RIPK1: variants seen among roughly 807,000 people sequenced by gnomAD.
RIPK1 encodes receptor-interacting serine/threonine-protein kinase 1.
RIPK1 carries 27 observed loss-of-function variants against 62.4 expected under a neutral mutation model. The observed-to-expected ratio is 0.43, with a 90% CI of 0.32 to 0.60. RIPK1 has a LOEUF of 0.60. Ranked by LOEUF, RIPK1 falls within the 20% of genes least tolerant of loss-of-function variation. RIPK1 has a pLI of 0.07. For missense variants in RIPK1, 735 were observed against 831.0 expected, an observed-to-expected ratio of 0.88 and a Z score of 1.42; for synonymous variants, 287 against 303.2, an observed-to-expected ratio of 0.95 and a Z score of 0.55.
upstream of RIPK1, among the ~76,000 whole-genome samples, chr6:3,067,051 A>ATTTTTTTTTTTTTTTTTTTTTTTTTTTT (rs36132424): frequency 1.7e-5 from 1 of 59,048 alleles, no homozygotes; most frequent in African/African-American, 6.9e-5. Context: ...TTGCTCCAGG[A>ATTTTTTTTTTTTTTTTTTTTTTTTTTTT]TTTTTTTTTT....
chr6:3,094,108 G>GCGCGCCTACCTCCTGCACCT (rs1466233160), intron 7 of RIPK1, among the ~76,000 whole-genome samples: 7 of 138,298 alleles, frequency 5.1e-5, no homozygotes, highest in Non-Finnish European at 8.9e-5. Flanking sequence ...AGTAACTGCA[G>GCGCGCCTACCTCCTGCACCT]AGTACCTACC....
rs1362594869 is a variant in RIPK1, at chr6:3,072,857, T to C, written c.-60-3907T>C. Among the ~76,000 whole-genome samples the C allele has an allele frequency of 7.2e-5, 11 of 151,974 alleles. No individual in the cohort carries two copies. Among genetic ancestry groups the C allele is most frequent in the Admixed American group, 7.2e-4 (11 of 15,262 alleles). Reference sequence around the variant, plus strand: ...CAGTTCTGCCTGCTCCAGTGATGTGTAGTGAATGAAAAAGGAGGCCTAAAA... The same window carrying C: ...CAGTTCTGCCTGCTCCAGTGATGTGCAGTGAATGAAAAAGGAGGCCTAAAA... On this transcript the variant is annotated intron_variant, in intron 1 of 10. Coordinates refer to ENST00000259808, the MANE Select transcript of RIPK1 (RefSeq NM_001354930.2). This position sits in a 1 kb window ranked among gnomAD's most constrained non-coding sequence, Gnocchi z 5.6.
chr6:3,098,932 C>T (rs1010199891), intron 7 of RIPK1, among the ~76,000 whole-genome samples: 2 of 152,194 alleles, frequency 1.3e-5, no homozygotes, highest in African/African-American at 2.4e-5. Flanking sequence ...TATCCCCTCG[C>T]CTTTCTCAGT....
At chr6:3,090,620 A>C (rs1481010804) in intron 7 of RIPK1, among the ~76,000 whole-genome samples, 1 of 152,162 alleles carries the variant, frequency 6.6e-6, no homozygotes, top group African/African-American at 2.4e-5. Context: ...CACAATTAAA[A>C]CTGAAGATTT....
At chr6:3,103,336 C>T (rs115757254) in intron 7 of RIPK1, among the ~76,000 whole-genome samples, 2,042 of 149,448 alleles carry the variant, frequency 0.014, 14 homozygotes, top group Middle Eastern at 0.024. Context: ...CTTGCTCTGT[C>T]GCCACCCAGA....
intron 6 of RIPK1, among the ~76,000 whole-genome samples, chr6:3,086,577 C>A (rs1180882458): frequency 6.6e-6 from 1 of 152,228 alleles, no homozygotes; most frequent in African/African-American, 2.4e-5. Flanking sequence ...ACTTACGTCT[C>A]CCCTTTTACT....
chr6:3,110,025 A>C (rs952277003), intron 9 of RIPK1, among the ~76,000 whole-genome samples: 1 of 152,168 alleles, frequency 6.6e-6, no homozygotes, highest in Non-Finnish European at 1.5e-5. Flanking sequence ...TTATCCACTC[A>C]TCTGCTCATG....
chr6:3,103,996 C>T (rs1760706730), intron 7 of RIPK1, among the ~76,000 whole-genome samples: 1 of 152,166 alleles, frequency 6.6e-6, no homozygotes, highest in South Asian at 2.1e-4. Context: ...GTTTTGAATA[C>T]TGTAGCTTTG....
Position 3,077,728 on chromosome 6 carries a change from CT to C in RIPK1, c.165-49del, listed in dbSNP as rs543776374. The C allele has an allele frequency of 5.4e-3, 8,591 of 1,602,792 alleles. 36 individuals are homozygous for C. Among genetic ancestry groups the C allele is most frequent in the Non-Finnish European group, 6.4e-3 (7,471 of 1,174,166 alleles). On this transcript the variant is annotated intron_variant, in intron 2 of 10. Coordinates refer to ENST00000259808, the MANE Select transcript of RIPK1 (RefSeq NM_001354930.2). ...ATGTGTTGGAGGTGTGCACCAGGCT[CT>C]TGAGGCGCTGGCTCTGCCAGCCTCA...
chr6:3,076,780 G>A lies in RIPK1; in HGVS notation c.-44G>A, dbSNP rs533195978. On this transcript the variant is annotated 5_prime_UTR_variant, in exon 2 of 11. Coordinates refer to ENST00000259808, the MANE Select transcript of RIPK1 (RefSeq NM_001354930.2). ...TCTTTACAGGGTACAGCTCTGCCGGGGGGGGAAAAAGTGGTACCATTTTGG... is the reference window on the plus strand; with the variant it reads ...TCTTTACAGGGTACAGCTCTGCCGGAGGGGGAAAAAGTGGTACCATTTTGG... The A allele has an allele frequency of 1.2e-5, 20 of 1,603,436 alleles. No individual in the cohort carries two copies. The highest frequency in any genetic ancestry group is 4.6e-5 in the East Asian group (2 of 43,906).
At chr6:3,096,364 T>C (rs1394216139) in intron 7 of RIPK1, among the ~76,000 whole-genome samples, 1 of 152,024 alleles carries the variant, frequency 6.6e-6, no homozygotes, top group Non-Finnish European at 1.5e-5. Context: ...AATCAATATA[T>C]AAAAATAAAT....
At chr6:3,073,940 G>A (rs185660104) in intron 1 of RIPK1, among the ~76,000 whole-genome samples, 22 of 152,206 alleles carry the variant, frequency 1.4e-4, no homozygotes, top group African/African-American at 3.9e-4. Flanking sequence ...CTCCTTTCCC[G>A]TCATCTGTCC....
rs186347521 is a variant in RIPK1 at position 3,102,577 on chromosome 6, C to G, written c.916-1648C>G. Reference sequence around the variant, plus strand: ...GTATATATATCCGGGTGTGGAATTGCTAGATCATATGGTAATTCTATGTAT... The same window carrying G: ...GTATATATATCCGGGTGTGGAATTGGTAGATCATATGGTAATTCTATGTAT... On this transcript the variant is annotated intron_variant, in intron 7 of 10. Transcript: ENST00000259808. 2.6e-3 allele frequency among the ~76,000 whole-genome samples: 392 copies of G among 152,102 alleles called. 9 individuals are homozygous for G. Among genetic ancestry groups the G allele is most frequent in the Admixed American group, 0.022 (333 of 15,272 alleles).
At chr6:3,084,110 T>C (rs913266779) in intron 5 of RIPK1, among the ~76,000 whole-genome samples, 1 of 152,190 alleles carries the variant, frequency 6.6e-6, no homozygotes, top group Non-Finnish European at 1.5e-5. Flanking sequence ...AAGATATATC[T>C]GCAACCCATC....
At chr6:3,109,158 C>A (rs1761026517) in intron 9 of RIPK1, among the ~76,000 whole-genome samples, 1 of 152,088 alleles carries the variant, frequency 6.6e-6, no homozygotes, top group South Asian at 2.1e-4. Flanking sequence ...TGGTCGCTGC[C>A]CTTGGGACTC....
chr6:3,101,114 C>CA (rs1760568406), intron 7 of RIPK1, among the ~76,000 whole-genome samples: 1 of 151,862 alleles, frequency 6.6e-6, no homozygotes, highest in African/African-American at 2.4e-5. Flanking sequence ...CCGATCTCTA[C>CA]AAAAAACACA....
At chr6:3,107,562 CAAAAAAAAAA>C (rs60843872) in intron 9 of RIPK1, among the ~76,000 whole-genome samples, 3 of 46,314 alleles carry the variant, frequency 6.5e-5, no homozygotes, top group Non-Finnish European at 1.0e-4. Flanking sequence ...GAGACTGTCG[CAAAAAAAAAA>C]AAAAAAAAAA....
At chr6:3,081,216 C>G in intron 4 of RIPK1, 100 bp downstream of exon 4, 1 of 1,344,694 alleles carries the variant, frequency 7.4e-7, no homozygotes, top group South Asian at 1.3e-5. Flanking sequence ...AAAGGAAGAC[C>G]TAGCTCAGCT....
At chr6:3,074,702 G>C (rs371986508) in intron 1 of RIPK1, among the ~76,000 whole-genome samples, 29 of 131,264 alleles carry the variant, frequency 2.2e-4, no homozygotes, top group African/African-American at 8.0e-4. Context: ...TTGAGACAGA[G>C]TCTCACTTTG....
Sources: gnomAD v4.1 joint callset for allele counts (sites outside exome capture counted in the v4.1 genomes callset) on GRCh38, gnomAD v4.1.1 for gene constraint, Gnocchi (gnomAD v3.1) non-coding constraint, MANE v1.5 for transcripts, NCBI Gene and HGNC (gene_info 2026-07-23, HGNC 2026-07-21) for gene names.